Variants in POU6F2 observed in about 807,000 individuals in gnomAD.
POU6F2 encodes the protein POU domain, class 6, transcription factor 2.
In POU6F2, 31 loss-of-function variants were observed where a neutral mutation model predicts 71.3. That is an observed-to-expected ratio of 0.43 (90% CI 0.33 to 0.59). POU6F2 has a LOEUF of 0.59. POU6F2 is among the 20% of genes least tolerant of loss of function. POU6F2 has a pLI of 0.04. For synonymous variants in POU6F2, 347 were observed against 355.7 expected, an observed-to-expected ratio of 0.98 and a Z score of 0.27; for missense variants, 783 against 856.8, an observed-to-expected ratio of 0.91 and a Z score of 1.07.
At chr7:39,144,145 T>C (rs1792565330) in intron 2 of POU6F2, among the ~76,000 whole-genome samples, 1 of 152,228 alleles carries the variant, frequency 6.6e-6, no homozygotes, top group Non-Finnish European at 1.5e-5. Flanking sequence ...TTGGGCTCTT[T>C]TAAGAATTTG....
chr7:39,085,727 A>G lies in POU6F2; in HGVS notation c.106-133A>G, dbSNP rs868027702. The G allele has an allele frequency of 2.3e-5, 21 of 919,866 alleles. No homozygotes were observed. In the Middle Eastern group the frequency reaches 1.6e-3, roughly 71 times the overall value. The allele number at this position is 919,866 out of a possible 1,614,324, so 57.0% of individuals were successfully genotyped here. ...AATAACAGCGGGAGCAGCCAGAGAT[A>G]AGAGAGAGAGGAGAGAGGGAGAGTG... On this transcript the variant is annotated intron_variant, in intron 1 of 9. Coordinates refer to ENST00000518318, the MANE Select transcript of POU6F2 (RefSeq NM_001370959.1).
intron 7 of POU6F2, among the ~76,000 whole-genome samples, chr7:39,444,794 G>C (rs569833727): frequency 6.6e-6 from 1 of 152,062 alleles, no homozygotes; most frequent in African/African-American, 2.4e-5. Context: ...TAATTGCCCC[G>C]TGCCTATGAA....
chr7:39,341,663 G>A (rs1272886946), intron 5 of POU6F2, among the ~76,000 whole-genome samples: 4 of 152,096 alleles, frequency 2.6e-5, no homozygotes, highest in Non-Finnish European at 4.4e-5. Flanking sequence ...GAAAAATATT[G>A]CCCTTCCTTG....
chr7:39,211,746 A>G (rs556543563), intron 4 of POU6F2, among the ~76,000 whole-genome samples: 10 of 152,270 alleles, frequency 6.6e-5, no homozygotes, highest in African/African-American at 2.2e-4. Context: ...GCATCCAGCA[A>G]ACCACAAGGC....
At chr7:39,168,208 C>A (rs893500216) in intron 2 of POU6F2, among the ~76,000 whole-genome samples, 2 of 152,018 alleles carry the variant, frequency 1.3e-5, no homozygotes, top group Admixed American at 1.3e-4. Flanking sequence ...TTCTCGAGAG[C>A]CTTCAGATGA....
intron 2 of POU6F2, among the ~76,000 whole-genome samples, chr7:39,202,079 T>G (rs1337553366): frequency 6.6e-6 from 1 of 152,206 alleles, no homozygotes; most frequent in East Asian, 1.9e-4. Flanking sequence ...ACGTGGTTTT[T>G]GAGAATTAAC....
At chr7:39,360,094 A>G (rs182829497) in intron 5 of POU6F2, among the ~76,000 whole-genome samples, 3 of 152,234 alleles carry the variant, frequency 2.0e-5, no homozygotes, top group Non-Finnish European at 2.9e-5. Flanking sequence ...TATATTTTAC[A>G]TGCAAGATTT....
chr7:39,083,550 A>G (rs1584533971), intron 1 of POU6F2: 3 of 142,470 alleles, frequency 2.1e-5, no homozygotes, highest in African/African-American at 7.6e-5. Flanking sequence ...GCTTTCTTAG[A>G]TATTTAGGAA....
Position 39,468,182 on chromosome 7 carries a change from T to C in POU6F2, c.*3496T>C, listed in dbSNP as rs1789116713. On this transcript the variant is annotated 3_prime_UTR_variant, in exon 10 of 10. Transcript: ENST00000518318. ...TGAGGCACATTTGTTTATTTGTTGT[T>C]AAGAAAGTGATTTTTTTTTTTTTTT... 6.6e-6 allele frequency: 1 copy of C among 151,014 alleles called. No individual in the cohort carries two copies. Among genetic ancestry groups the C allele is most frequent in the Non-Finnish European group, 1.5e-5 (1 of 67,822 alleles). The allele number at this position is 151,014 out of a possible 1,614,324, so 9.4% of individuals were successfully genotyped here. A position where few individuals can be genotyped will look rare whatever the true frequency, so the allele number is the denominator to read the frequency against.
chr7:39,097,590 A>G (rs1010994289), intron 2 of POU6F2, among the ~76,000 whole-genome samples: 1 of 152,220 alleles, frequency 6.6e-6, no homozygotes, highest in African/African-American at 2.4e-5. Context: ...TGCCCTATTT[A>G]TTAAATGAGT....
intron 1 of POU6F2, among the ~76,000 whole-genome samples, chr7:39,024,335 T>C (rs534832382): frequency 5.5e-4 from 84 of 152,088 alleles, no homozygotes; most frequent in African/African-American, 2.0e-3. Flanking sequence ...AGAATGCTTG[T>C]GATTTTTGTA....
chr7:39,267,699 C>G (rs932773243), intron 4 of POU6F2, among the ~76,000 whole-genome samples: 1 of 151,816 alleles, frequency 6.6e-6, no homozygotes, highest in Non-Finnish European at 1.5e-5. Flanking sequence ...CAAACTCCTA[C>G]GCTCAAGGGA....
intron 1 of POU6F2, among the ~76,000 whole-genome samples, chr7:39,055,718 G>A (rs565146980): frequency 2.6e-4 from 40 of 152,002 alleles, no homozygotes; most frequent in African/African-American, 8.2e-4. Context: ...TGTTCTAGAC[G>A]TTGGTAGAAG....
chr7:39,419,134 C>CAT (rs1302999674), intron 6 of POU6F2, among the ~76,000 whole-genome samples: 5 of 111,684 alleles, frequency 4.5e-5, no homozygotes, highest in African/African-American at 6.6e-5. Context: ...TATATATACA[C>CAT]ATATATATAC....
chr7:39,092,685 A>G lies in POU6F2; in HGVS notation c.277+6654A>G, dbSNP rs116669850. 5.3e-3 allele frequency among the ~76,000 whole-genome samples: 803 copies of G among 152,268 alleles called. 10 individuals are homozygous for G. The highest frequency in any genetic ancestry group is 0.018 in the African/African-American group (761 of 41,564). On this transcript the variant is annotated intron_variant, in intron 2 of 9. Coordinates refer to ENST00000518318, the MANE Select transcript of POU6F2 (RefSeq NM_001370959.1). ...GTTGATCTGATTCTTAATCTTTTCA[A>G]TGTAAACTTTCACCTCCTGATTGTC... is the stretch of plus-strand genomic sequence containing the variant.
intron 1 of POU6F2, among the ~76,000 whole-genome samples, chr7:39,000,896 C>G (rs1284082780): frequency 6.6e-6 from 1 of 152,138 alleles, no homozygotes; most frequent in Admixed American, 6.6e-5. Flanking sequence ...AAAAAATGAC[C>G]TGCCCAGTGT....
chr7:39,096,363 A>G (rs972223006), intron 2 of POU6F2, among the ~76,000 whole-genome samples: 1 of 152,168 alleles, frequency 6.6e-6, no homozygotes, highest in Non-Finnish European at 1.5e-5. Context: ...TCCTTTTTCT[A>G]ACAATGAGCC....
At chr7:39,018,832 A>G (rs1201905672) in intron 1 of POU6F2, among the ~76,000 whole-genome samples, 1 of 152,128 alleles carries the variant, frequency 6.6e-6, no homozygotes, top group Non-Finnish European at 1.5e-5. Context: ...AGCATTTTTC[A>G]CTTTACATAT....
chr7:39,433,002 G>A (rs1788143744), intron 6 of POU6F2, 75 bp from the exon 7 acceptor site: 1 of 1,434,974 alleles, frequency 7.0e-7, no homozygotes, highest in Non-Finnish European at 9.7e-7. Flanking sequence ...AGAGAGACCA[G>A]GCACTGCATG....
Sources: gnomAD v4.1 joint callset for allele counts (sites outside exome capture counted in the v4.1 genomes callset) on GRCh38, gnomAD v4.1.1 for gene constraint, MANE v1.5 for transcripts, NCBI Gene and HGNC (gene_info 2026-07-23, HGNC 2026-07-21) for gene names.